Variants in GRIP2 observed in about 807,000 individuals in gnomAD.
The protein encoded by GRIP2 is glutamate receptor-interacting protein 2.
A neutral mutation model predicts 108.3 loss-of-function variants in GRIP2; 58 were observed. The ratio of observed to expected loss-of-function variants is 0.54; its 90% confidence interval spans 0.43 to 0.67. The LOEUF (loss-of-function observed/expected upper bound fraction) is 0.67, where lower values mean the gene tolerates loss of function less well. Among genes scored for constraint, GRIP2 ranks in the 30% least tolerant of loss-of-function variants. The probability of loss-of-function intolerance (pLI) is 0.00; values close to 1 mark genes in which losing one functional copy is unlikely to be tolerated. For synonymous variants in GRIP2, 586 were observed against 598.2 expected, an observed-to-expected ratio of 0.98 and a Z score of 0.30; for missense variants, 1,278 against 1,430.6, an observed-to-expected ratio of 0.89 and a Z score of 1.72.
At chr3:14,595,600 C>T in the GRIP2 span, among the ~76,000 whole-genome samples, 3 of 152,332 alleles carry the variant, frequency 2.0e-5, no homozygotes, top group South Asian at 2.1e-4. Context: ...TTGGGAAGGA[C>T]CACAGACTTA....
At chr3:14,569,722 G>C in the GRIP2 span, among the ~76,000 whole-genome samples, 2 of 152,106 alleles carry the variant, frequency 1.3e-5, no homozygotes, top group Admixed American at 1.3e-4. Flanking sequence ...GCTCCTTCCA[G>C]CCTCAGCCTC....
chr3:14,599,685 CTGTGTGTGTGTG>C, the GRIP2 span, among the ~76,000 whole-genome samples: 3 of 127,466 alleles, frequency 2.4e-5, no homozygotes, highest in African/African-American at 5.8e-5. Flanking sequence ...CTCTCTCTCT[CTGTGTGTGTGTG>C]TGTGTGTGTG....
the GRIP2 span, among the ~76,000 whole-genome samples, chr3:14,598,317 G>C: frequency 7.4e-5 from 11 of 148,726 alleles, no homozygotes; most frequent in Non-Finnish European, 1.0e-4. Context: ...CCGGCATAGG[G>C]ACACATCAGC....
intron 1 of GRIP2, among the ~76,000 whole-genome samples, chr3:14,532,591 C>T (rs1183549399): frequency 1.3e-5 from 2 of 152,114 alleles, no homozygotes; most frequent in Non-Finnish European, 2.9e-5. Flanking sequence ...CCATATCGCC[C>T]CCAACAGAGA....
chr3:14,548,822 G>A (rs1194386582), intron 1 of GRIP2, among the ~76,000 whole-genome samples: 1 of 152,192 alleles, frequency 6.6e-6, no homozygotes, highest in Non-Finnish European at 1.5e-5. Flanking sequence ...CAACTAGGAT[G>A]GGCAGAGGGC....
chr3:14,542,398 C>G (rs139727329), upstream of GRIP2, among the ~76,000 whole-genome samples: 2 of 152,214 alleles, frequency 1.3e-5, no homozygotes, highest in East Asian at 3.9e-4. Context: ...TGCTCCTTCT[C>G]AAAACAAAAT....
Position 14,511,077 on chromosome 3 carries a change from G to C in GRIP2, c.1933+88C>G. 1 of 1,491,742 alleles carries C rather than the reference G, an allele frequency of 6.7e-7. No homozygotes were observed. The highest frequency in any genetic ancestry group is 9.1e-7 in the Non-Finnish European group (1 of 1,099,048). 92.4% of individuals were successfully genotyped at this position (1,491,742 alleles called of 1,614,324 possible). On this transcript the variant is annotated intron_variant, in intron 16 of 23. Coordinates refer to ENST00000621039, the MANE Select transcript of GRIP2 (RefSeq NM_001080423.4). This position sits in a 1 kb window ranked among gnomAD's most constrained non-coding sequence, Gnocchi z 4.1. ...CAGCGCCCACCACCCTCCCTTCCTC[G>C]GCTGGAGGGAGCCCTGAATTGCAAG...
chr3:14,557,482 G>A (rs1427192733), upstream of GRIP2, among the ~76,000 whole-genome samples: 1 of 152,248 alleles, frequency 6.6e-6, no homozygotes, highest in African/African-American at 2.4e-5. Context: ...GGCTCAGGGA[G>A]GCTCTGTTGG....
chr3:14,527,516 A>G (rs1471411857), intron 1 of GRIP2, among the ~76,000 whole-genome samples: 2 of 152,152 alleles, frequency 1.3e-5, no homozygotes, highest in African/African-American at 4.8e-5. Flanking sequence ...TGAAAAAGGA[A>G]ACACCCTGGG....
chr3:14,525,271 C>A (rs1415098531), intron 3 of GRIP2, among the ~76,000 whole-genome samples, 166 bp downstream of exon 3: 4 of 152,170 alleles, frequency 2.6e-5, no homozygotes, highest in African/African-American at 9.7e-5. Flanking sequence ...AGAATTACAG[C>A]CTCCATTGGA....
At chr3:14,574,244 G>A in the GRIP2 span, 1 of 875,910 alleles carries the variant, frequency 1.1e-6, no homozygotes, top group Admixed American at 1.8e-5. Context: ...GTCGCTTGAC[G>A]AAGCTGTCGA....
intron 1 of GRIP2, among the ~76,000 whole-genome samples, chr3:14,554,475 T>A (rs975727463): frequency 1.2e-4 from 18 of 151,502 alleles, no homozygotes; most frequent in Non-Finnish European, 2.7e-4. Flanking sequence ...CCTGCGGGGG[T>A]GGTCTCAGCA....
chr3:14,601,064 T>A, the GRIP2 span, among the ~76,000 whole-genome samples: 2 of 145,544 alleles, frequency 1.4e-5, no homozygotes, highest in South Asian at 2.2e-4. Flanking sequence ...CATCTCTCTC[T>A]CTCACACACA....
At chr3:14,560,084 C>G (rs1236141657), upstream of GRIP2, among the ~76,000 whole-genome samples, 1 of 151,980 alleles carries the variant, frequency 6.6e-6, no homozygotes, top group Non-Finnish European at 1.5e-5. Flanking sequence ...GAGACTCTGT[C>G]TCTATAATTT....
upstream of GRIP2, among the ~76,000 whole-genome samples, chr3:14,558,246 A>G (rs1273602951): frequency 6.6e-6 from 1 of 152,232 alleles, no homozygotes; most frequent in African/African-American, 2.4e-5. Flanking sequence ...CTCAGGTCCT[A>G]GCCACCAGAC....
At chr3:14,510,264 T>G (rs12631722) in intron 16 of GRIP2, among the ~76,000 whole-genome samples, 2,203 of 115,688 alleles carry the variant, frequency 0.019, 26 homozygotes, top group Non-Finnish European at 0.029. Context: ...CGTTGTTTTT[T>G]TTTTTTTTTT....
At chr3:14,514,570 GC>G in intron 11 of GRIP2, 92 bp from the exon 12 acceptor site, 1 of 1,326,498 alleles carries the variant, frequency 7.5e-7, no homozygotes, top group Non-Finnish European at 1.0e-6. Context: ...AGGCACTGGA[GC>G]CAGAGTGCAA....
intron 4 of GRIP2, 145 bp downstream of exon 4, chr3:14,524,248 G>A: frequency 2.2e-6 from 2 of 902,810 alleles, no homozygotes. Context: ...CAGCCCCTAG[G>A]CGAGGTATGG....
At chr3:14,493,893 G>A (rs940515316) in intron 23 of GRIP2, 67 bp from the exon 24 acceptor site, 2 of 1,527,346 alleles carry the variant, frequency 1.3e-6, no homozygotes, top group African/African-American at 2.7e-5. Flanking sequence ...GGGAGCAAGA[G>A]GCATGTGATG....
Sources: gnomAD v4.1 joint callset for allele counts (sites outside exome capture counted in the v4.1 genomes callset) on GRCh38, gnomAD v4.1.1 for gene constraint, Gnocchi (gnomAD v3.1) non-coding constraint, MANE v1.5 for transcripts, NCBI Gene and HGNC (gene_info 2026-07-23, HGNC 2026-07-21) for gene names.